The following DAGLB variants were observed in gnomAD, a reference collection of about 807,000 sequenced individuals.
DAGLB encodes diacylglycerol lipase-beta.
A neutral mutation model predicts 72.1 loss-of-function variants in DAGLB; 66 were observed. The observed-to-expected ratio is 0.92, with a 90% confidence interval of 0.75 to 1.12. The LOEUF (loss-of-function observed/expected upper bound fraction) is 1.12, where lower values mean the gene tolerates loss of function less well. DAGLB is among the 50% of genes most tolerant of loss of function. DAGLB has a pLI of 0.00. For missense variants in DAGLB, 1,065 were observed against 884.9 expected, an observed-to-expected ratio of 1.20 and a Z score of -2.58; for synonymous variants, 414 against 359.5, an observed-to-expected ratio of 1.15 and a Z score of -1.71.
chr7:6,443,098 G>T (rs1023319554), intron 2 of DAGLB, among the ~76,000 whole-genome samples: 2 of 150,540 alleles, frequency 1.3e-5, no homozygotes, highest in African/African-American at 4.9e-5. Flanking sequence ...CAGGAGAATG[G>T]CGTGAACCCG....
chr7:6,422,148 A>C (rs1784148063), intron 8 of DAGLB: 1 of 377,100 alleles, frequency 2.7e-6, no homozygotes, highest in South Asian at 2.0e-5. Context: ...TCCCGTCCTC[A>C]GGAGCCCCGT....
chr7:6,445,033 G>A (rs1023962433), intron 2 of DAGLB, among the ~76,000 whole-genome samples: 5 of 152,214 alleles, frequency 3.3e-5, no homozygotes, highest in Admixed American at 2.6e-4. Context: ...CACTGCTGGT[G>A]GGAATGTAAA....
At position 6,409,385 on chromosome 7, in the gene DAGLB, A is replaced by C. The variant is rs992156985; in HGVS notation, c.*452T>G. ...GGAGAAAACCCCAGCCCGCACCCTC[A>C]CCACAGTTCCATTTGTACATCCAGG... On this transcript the variant is annotated 3_prime_UTR_variant, in exon 15 of 15. Coordinates refer to ENST00000297056, the MANE Select transcript of DAGLB (RefSeq NM_139179.4). 1 of 163,030 alleles carries C rather than the reference A, an allele frequency of 6.1e-6. No homozygotes were observed. The highest frequency in any genetic ancestry group is 2.4e-5 in the African/African-American group (1 of 41,644). The allele number at this position is 163,030 out of a possible 1,614,324, so 10.1% of individuals were successfully genotyped here. A position where few individuals can be genotyped will look rare whatever the true frequency, so the allele number is the denominator to read the frequency against.
chr7:6,421,612 C>A (rs1433234155), intron 9 of DAGLB, 115 bp downstream of exon 9: 2 of 769,342 alleles, frequency 2.6e-6, no homozygotes, highest in African/African-American at 3.7e-5. Flanking sequence ...GCGCGGGAGG[C>A]GCAGGCAGCG....
chr7:6,435,049 G>C (rs771582374), intron 3 of DAGLB, 29 bp from the exon 4 acceptor site: 3 of 1,609,284 alleles, frequency 1.9e-6, no homozygotes, highest in Non-Finnish European at 2.5e-6. Flanking sequence ...AAAAGGCTCG[G>C]TGACTGCGGG....
At chr7:6,420,423 G>A (rs1406345688) in intron 9 of DAGLB, among the ~76,000 whole-genome samples, 2 of 146,324 alleles carry the variant, frequency 1.4e-5, no homozygotes, top group African/African-American at 5.3e-5. Context: ...CTGGACGACA[G>A]AGCAAGACTC....
intron 13 of DAGLB, among the ~76,000 whole-genome samples, chr7:6,412,200 C>G (rs957058970): frequency 6.6e-6 from 1 of 152,188 alleles, no homozygotes; most frequent in African/African-American, 2.4e-5. Flanking sequence ...AAGCGTGACC[C>G]ACCGCGCCTG....
In DAGLB at chr7:6,409,493, G is replaced by A. The variant is rs888104439; in HGVS notation, c.*344C>T. ...CTTGGGGGTGGGAGGCTAAGGAACT[G>A]TTCACGGTCTTCTGGGTGGGCCCTG... On this transcript the variant is annotated 3_prime_UTR_variant, in exon 15 of 15. Transcript: ENST00000297056. 3 of 329,048 alleles carry A rather than the reference G, an allele frequency of 9.1e-6. No homozygotes were observed. The highest frequency in any genetic ancestry group is 3.7e-5 in the South Asian group (1 of 27,258). The allele number at this position is 329,048 out of a possible 1,614,324, so 20.4% of individuals were successfully genotyped here.
chr7:6,419,222 G>A (rs1168047102), intron 9 of DAGLB, among the ~76,000 whole-genome samples: 3 of 151,524 alleles, frequency 2.0e-5, no homozygotes, highest in South Asian at 2.1e-4. Flanking sequence ...GGGTTTTACC[G>A]TGTTGGCCAG....
chr7:6,433,136 T>C (rs1439155296), intron 4 of DAGLB, among the ~76,000 whole-genome samples, 177 bp from the exon 5 acceptor site: 7 of 152,226 alleles, frequency 4.6e-5, no homozygotes, highest in Non-Finnish European at 1.0e-4. Flanking sequence ...GACCTGAATA[T>C]GTTTTCACAT....
chr7:6,423,464 G>A (rs1784199779), intron 8 of DAGLB, among the ~76,000 whole-genome samples: 3 of 152,032 alleles, frequency 2.0e-5, no homozygotes, highest in Admixed American at 6.6e-5. Context: ...TCGATCTGTC[G>A]CCACGCTGGA....
rs754109285 is a variant in DAGLB at position 6,430,509 on chromosome 7, G to A, written c.900C>T (p.Leu300=). The A allele has an allele frequency of 3.1e-6, 5 of 1,598,308 alleles. No individual in the cohort carries two copies. The highest frequency in any genetic ancestry group is 1.7e-5 in the Admixed American group (1 of 59,164). The change falls in exon 6 of 15, where the codon CTC becomes CTT. Residue 300 remains leucine, a synonymous_variant. Coordinates refer to ENST00000297056, the MANE Select transcript of DAGLB (RefSeq NM_139179.4). ...CACCACCAATCCTGCACAGCCCCGT[G>A]AGGGGGTTTCTGTAGATGTAGAGGG... ...GWPLYIYRNP[L]TGLCRIGGDC...
At chr7:6,412,444 C>T (rs1215279788) in intron 13 of DAGLB, among the ~76,000 whole-genome samples, 1 of 151,970 alleles carries the variant, frequency 6.6e-6, no homozygotes. Flanking sequence ...TCAAACAGTT[C>T]CTCCAGAGTA....
chr7:6,417,083 G>T, intron 9 of DAGLB, 162 bp from the exon 10 acceptor site: 1 of 757,394 alleles, frequency 1.3e-6, no homozygotes, highest in Non-Finnish European at 2.1e-6. Flanking sequence ...TGTGCTCCTG[G>T]CACCTTGCAC....
intron 6 of DAGLB, 140 bp downstream of exon 6, chr7:6,430,340 G>T: frequency 1.0e-6 from 1 of 994,514 alleles, no homozygotes. Context: ...CATGTGACCA[G>T]ATGAGTCACA....
At chr7:6,426,458 T>G (rs836526) in intron 6 of DAGLB, among the ~76,000 whole-genome samples, 1 of 152,004 alleles carries the variant, frequency 6.6e-6, no homozygotes, top group Non-Finnish European at 1.5e-5. Flanking sequence ...TCAGTACAGA[T>G]AGAGTTTCGC....
At chr7:6,426,805 C>G (rs1784324845) in intron 6 of DAGLB, among the ~76,000 whole-genome samples, 1 of 152,160 alleles carries the variant, frequency 6.6e-6, no homozygotes, top group Non-Finnish European at 1.5e-5. Context: ...GTACTGTGCT[C>G]TACGTTTAAA....
intron 3 of DAGLB, among the ~76,000 whole-genome samples, chr7:6,436,089 GAA>G (rs59029211): frequency 3.6e-5 from 4 of 109,612 alleles, no homozygotes; most frequent in African/African-American, 9.8e-5. Flanking sequence ...AAGAAAAAAA[GAA>G]AAAAAAAAAA....
rs1315812383 is a variant in DAGLB at position 6,430,624 on chromosome 7, A to G, written c.802-17T>C. The G allele has an allele frequency of 1.3e-6, 2 of 1,572,336 alleles. No individual in the cohort carries two copies. Among genetic ancestry groups the G allele is most frequent in the East Asian group, 4.5e-5 (2 of 44,076 alleles). On this transcript the variant is annotated splice_polypyrimidine_tract_variant and intron_variant, in intron 5 of 14. Coordinates refer to ENST00000297056, the MANE Select transcript of DAGLB (RefSeq NM_139179.4). The stretch of plus-strand genomic sequence containing the variant: ...ATCAGCTTCCTACAAGAGAAGGACA[A>G]AAACTACTGTTTATTAAGGGAACTC...
Sources: allele counts gnomAD v4.1 joint callset (sites outside exome capture counted in the v4.1 genomes callset), GRCh38; gene constraint gnomAD v4.1.1; transcripts MANE v1.5; gene names NCBI Gene and HGNC (gene_info 2026-07-23, HGNC 2026-07-21).